The following NPC1 variants were observed in gnomAD, a reference collection of about 807,000 sequenced individuals.
The protein encoded by NPC1 is NPC intracellular cholesterol transporter 1.
Under a neutral mutation model 140.4 loss-of-function variants are expected in NPC1, and 85 were observed. The observed-to-expected ratio is 0.61, with a 90% CI of 0.51 to 0.72. The LOEUF is 0.72. NPC1 is among the 30% of genes least tolerant of loss of function. The pLI, the probability that NPC1 is intolerant of heterozygous loss-of-function variation, is 0.00. For synonymous variants in NPC1, 656 were observed against 624.8 expected, an observed-to-expected ratio of 1.05 and a Z score of -0.74; for missense variants, 1,504 against 1,623.8, an observed-to-expected ratio of 0.93 and a Z score of 1.27.
chr18:23,521,695 C>CTA (rs2058145882), downstream of NPC1, among the ~76,000 whole-genome samples: 1 of 77,944 alleles, frequency 1.3e-5, no homozygotes, highest in African/African-American at 3.5e-5. Context: ...CACTCTCTCT[C>CTA]TTTTTTTTTT....
chr18:23,570,094 G>C (rs1181753311), intron 3 of NPC1, among the ~76,000 whole-genome samples: 1 of 152,174 alleles, frequency 6.6e-6, no homozygotes, highest in Non-Finnish European at 1.5e-5. Context: ...CTTTCTTTCA[G>C]GAGCCCCACT....
At chr18:23,536,985 G>A in intron 20 of NPC1, 109 bp from the exon 21 acceptor site, 1 of 826,158 alleles carries the variant, frequency 1.2e-6, no homozygotes, top group Non-Finnish European at 2.0e-6. Flanking sequence ...TCAGAGGTCA[G>A]ACCCAGCTGT....
chr18:23,567,265 C>T (rs1226116336), intron 4 of NPC1, among the ~76,000 whole-genome samples: 1 of 152,176 alleles, frequency 6.6e-6, no homozygotes, highest in Non-Finnish European at 1.5e-5. Flanking sequence ...TTTTGTACTC[C>T]CACCATCAAT....
At chr18:23,536,947 G>A (rs2058640186) in intron 20 of NPC1, 71 bp from the exon 21 acceptor site, 4 of 1,305,970 alleles carry the variant, frequency 3.1e-6, no homozygotes, top group Middle Eastern at 2.6e-4. Flanking sequence ...GAGCACTTGA[G>A]GCTAAGCAAA....
chr18:23,571,446 C>T (rs774492466), intron 3 of NPC1, among the ~76,000 whole-genome samples: 45 of 151,798 alleles, frequency 3.0e-4, no homozygotes, highest in Non-Finnish European at 5.7e-4. Flanking sequence ...GACTTGAGGT[C>T]AGGAGTTTGA....
At chr18:23,581,272 G>A (rs574477390) in intron 1 of NPC1, among the ~76,000 whole-genome samples, 4 of 152,284 alleles carry the variant, frequency 2.6e-5, no homozygotes, top group East Asian at 1.9e-4. Context: ...GATCTATTAC[G>A]GACTACTGGA....
chr18:23,568,945 C>T lies in NPC1; in HGVS notation c.341G>A (p.Ser114Asn), dbSNP rs1184328174. 4 of 1,613,938 alleles carry T rather than the reference C, an allele frequency of 2.5e-6. No homozygotes were observed. Among genetic ancestry groups the T allele is most frequent in the African/African-American group, 2.7e-5 (2 of 75,010 alleles). Residue 114 changes from serine (S) to asparagine (N), a missense_variant, in exon 4 of 25, where the codon AGC becomes AAC. Transcript: ENST00000269228. ...LLNLFCELTC[S>N]PRQSQFLNVT... ...ATTCAAAAACTGACTCTGTCGAGGG[C>T]TACATGTCAGCTCACAAAACAGGTT...
Position 23,556,380 on chromosome 18 carries a change from G to A in NPC1, c.1189C>T (p.Gln397Ter). Residue 397 changes from glutamine to a stop codon, truncating the protein, a stop_gained, in exon 8 of 25, where the codon CAG becomes TAG. Transcript: ENST00000269228. LOFTEE classifies it high-confidence loss of function. ...GTCCGGAAGAAAGGCCCAAAGTGCT[G>A]GTCAAAGTACTCTTTTTCCAGGCGA... ...QARLEKEYFD[Q>*]HFGPFFRTEQ... 3 of 1,614,130 alleles carry A rather than the reference G, an allele frequency of 1.9e-6. No homozygotes were observed. Among genetic ancestry groups the A allele is most frequent in the South Asian group, 2.2e-5 (2 of 91,068 alleles).
At chr18:23,548,243 A>G (rs1378203111) in intron 10 of NPC1, 135 bp from the exon 11 acceptor site, 5 of 700,106 alleles carry the variant, frequency 7.1e-6, no homozygotes, top group East Asian at 5.3e-5. Context: ...AGAATTAAAC[A>G]AGAGTTTGCT....
intron 3 of NPC1, among the ~76,000 whole-genome samples, chr18:23,510,980 A>G (rs1057057439): frequency 1.3e-5 from 2 of 152,214 alleles, no homozygotes; most frequent in Non-Finnish European, 2.9e-5. Context: ...ACTGGGTGTA[A>G]TATGCAGAGG....
chr18:23,527,080 T>C (rs2058319541), downstream of NPC1, among the ~76,000 whole-genome samples: 1 of 152,068 alleles, frequency 6.6e-6, no homozygotes, highest in Non-Finnish European at 1.5e-5. Flanking sequence ...CATATGTGTC[T>C]TCTTTAAGAA....
chr18:23,526,434 A>G (rs2058299740), downstream of NPC1, among the ~76,000 whole-genome samples: 1 of 152,144 alleles, frequency 6.6e-6, no homozygotes, highest in Admixed American at 6.5e-5. Flanking sequence ...TTGGGCTGTC[A>G]TCCTCCTGTG....
chr18:23,576,437 C>T lies in NPC1; in HGVS notation c.58-2863G>A, dbSNP rs2059280587. 4 of 984,616 alleles carry T rather than the reference C, an allele frequency of 4.1e-6. No homozygotes were observed. In the South Asian group the frequency reaches 1.9e-4, roughly 46 times the overall value. 61.0% of individuals were successfully genotyped at this position (984,616 alleles called of 1,614,324 possible). A position where few individuals can be genotyped will look rare whatever the true frequency, so the allele number is the denominator to read the frequency against. On this transcript the variant is annotated intron_variant, in intron 1 of 24. Transcript: ENST00000269228. ...AACTGGTCTCAAAAAAAAAGTCATC[C>T]TGCCGAAAGAAGCAACCTAAGCCAG...
chr18:23,529,310 C>G (rs1236191822), downstream of NPC1: 1 of 1,602,096 alleles, frequency 6.2e-7, no homozygotes, highest in Non-Finnish European at 8.5e-7. Context: ...TGGGCTGCAG[C>G]TTTCCGCCTC....
chr18:23,562,720 T>G (rs2059061500), intron 4 of NPC1, among the ~76,000 whole-genome samples: 1 of 152,050 alleles, frequency 6.6e-6, no homozygotes, highest in Admixed American at 6.6e-5. Context: ...GGGGTGGTTA[T>G]GCACACCTTT....
chr18:23,541,456 G>A, intron 14 of NPC1, 23 bp from the exon 15 acceptor site: 1 of 1,614,132 alleles, frequency 6.2e-7, no homozygotes, highest in Non-Finnish European at 8.5e-7. Context: ...GAAGGGCTCT[G>A]CGTCACTTCT....
rs200985775 is a variant in NPC1 at position 23,561,544 on chromosome 18, A to G, written c.464-17T>C. 1.9e-6 allele frequency: 3 copies of G among 1,613,224 alleles called. No homozygotes were observed. Among genetic ancestry groups the G allele is most frequent in the African/African-American group, 2.7e-5 (2 of 74,918 alleles). ...TGTACATTGCTAGAAGAGGAAACCCAAAGGAAAAAGGAGACAAGATGCTTG... is the reference window on the plus strand; with the variant it reads ...TGTACATTGCTAGAAGAGGAAACCCGAAGGAAAAAGGAGACAAGATGCTTG... On this transcript the variant is annotated splice_polypyrimidine_tract_variant and intron_variant, in intron 4 of 24. Coordinates refer to ENST00000269228, the MANE Select transcript of NPC1 (RefSeq NM_000271.5).
At chr18:23,585,231 T>C (rs1001308414) in intron 1 of NPC1, among the ~76,000 whole-genome samples, 1 of 152,048 alleles carries the variant, frequency 6.6e-6, no homozygotes, top group African/African-American at 2.4e-5. Context: ...AGCCTCAACC[T>C]CAACAATGAA....
At position 23,544,378 on chromosome 18, in the gene NPC1, A is replaced by G; in HGVS notation, c.2096T>C (p.Val699Ala). The change falls in exon 13 of 25, where the codon GTG (valine) becomes GCG (alanine). Residue 699 changes from valine (V) to alanine (A), a missense_variant. Coordinates refer to ENST00000269228, the MANE Select transcript of NPC1 (RefSeq NM_000271.5). ...VIPFLVLAVG[V>A]DNIFILVQAY... ...CTGCACCAGAATGAAGATGTTGTCC[A>G]CTCCAACAGCCAGCACCAGGAACGG... 2 of 1,614,066 alleles carry G rather than the reference A, an allele frequency of 1.2e-6. No homozygotes were observed. Among genetic ancestry groups the G allele is most frequent in the Middle Eastern group, 1.6e-4 (1 of 6,062 alleles).
Sources: gnomAD v4.1 joint callset for allele counts (sites outside exome capture counted in the v4.1 genomes callset) on GRCh38, gnomAD v4.1.1 for gene constraint, MANE v1.5 for transcripts, NCBI Gene and HGNC (gene_info 2026-07-23, HGNC 2026-07-21) for gene names.